Variants in MDM2 observed in about 807,000 individuals in gnomAD.
MDM2 encodes the protein E3 ubiquitin-protein ligase Mdm2.
Under a neutral mutation model 64.3 loss-of-function variants are expected in MDM2, and 11 were observed. The ratio of observed to expected loss-of-function variants is 0.17; its 90% CI spans 0.11 to 0.28. The LOEUF (loss-of-function observed/expected upper bound fraction) is 0.28, where lower values mean the gene tolerates loss of function less well. Among genes scored for constraint, MDM2 ranks in the 10% least tolerant of loss-of-function variants. MDM2 has a pLI of 1.00. For missense variants in MDM2, 388 were observed against 577.1 expected (o/e 0.67, Z 3.36); for synonymous variants, 194 against 192.9 (o/e 1.01, Z -0.05).
At chr12:68,817,193 C>T (rs936494962) in intron 4 of MDM2, among the ~76,000 whole-genome samples, 3 of 152,186 alleles carry the variant, frequency 2.0e-5, no homozygotes, top group Non-Finnish European at 2.9e-5. Context: ...TTTAAACCTG[C>T]TTCCCCATTT....
rs1038130361 is a variant in MDM2 at position 68,844,917 on chromosome 12, G to C, written c.*5068G>C. On this transcript the variant is annotated 3_prime_UTR_variant, in exon 11 of 11. Coordinates refer to ENST00000258149, the MANE Select transcript of MDM2 (RefSeq NM_002392.6). The stretch of plus-strand genomic sequence containing the variant: ...CAAGTAGCTGGGGTTAGAGCACCCT[G>C]TCACCACGCCCCGCTAATTTTTGTA... 1.5e-5 allele frequency: 3 copies of C among 199,850 alleles called. No individual in the cohort carries two copies. Among genetic ancestry groups the C allele is most frequent in the Admixed American group, 1.2e-4 (2 of 16,502 alleles). 12.4% of individuals were successfully genotyped at this position (199,850 alleles called of 1,614,324 possible).
intron 5 of MDM2, 121 bp downstream of exon 5, chr12:68,820,495 A>C: frequency 1.3e-6 from 1 of 743,244 alleles, no homozygotes; most frequent in Non-Finnish European, 2.3e-6. Context: ...TAAATATTGT[A>C]ATAAAAGTAT....
At chr12:68,835,099 TA>T (rs2136166880) in intron 8 of MDM2, among the ~76,000 whole-genome samples, 1 of 152,342 alleles carries the variant, frequency 6.6e-6, no homozygotes, top group African/African-American at 2.4e-5. Flanking sequence ...TGTGTCTTGT[TA>T]CGTGTATTCT....
intron 4 of MDM2, among the ~76,000 whole-genome samples, chr12:68,818,184 G>A (rs1021049587): frequency 1.3e-5 from 2 of 152,102 alleles, no homozygotes; most frequent in African/African-American, 4.8e-5. Flanking sequence ...GAATGAATAC[G>A]TTCACCTGAG....
chr12:68,845,842 C>T (rs115723387), downstream of MDM2: 2,710 of 152,516 alleles, frequency 0.018, 73 homozygotes, highest in African/African-American at 0.06. Flanking sequence ...TGACTCACTA[C>T]AGCCTCAACC....
intron 4 of MDM2, among the ~76,000 whole-genome samples, chr12:68,819,055 G>A (rs1881633154): frequency 6.6e-6 from 1 of 152,114 alleles, no homozygotes; most frequent in African/African-American, 2.4e-5. Flanking sequence ...TTCGGATAAT[G>A]TTTGGAAGTA....
chr12:68,835,464 ATGT>A (rs1377416138), intron 8 of MDM2, among the ~76,000 whole-genome samples: 1 of 152,228 alleles, frequency 6.6e-6, no homozygotes, highest in Non-Finnish European at 1.5e-5. Context: ...ACAGACGAAG[ATGT>A]TAATACAGTC....
At chr12:68,835,716 C>A in intron 8 of MDM2, 113 bp from the exon 9 acceptor site, 1 of 1,004,348 alleles carries the variant, frequency 1.0e-6, no homozygotes, top group Non-Finnish European at 1.4e-6. Flanking sequence ...CAGGCCCATC[C>A]CCCAACTGTT....
At position 68,840,055 on chromosome 12, in the gene MDM2, C is replaced by T; in HGVS notation, c.*206C>T. ...TGAATATGTAGCTCATCCTTTACAC[C>T]AACTCCTAATTTTAAATAATTTCTA... On this transcript the variant is annotated 3_prime_UTR_variant, in exon 11 of 11. Coordinates refer to ENST00000258149, the MANE Select transcript of MDM2 (RefSeq NM_002392.6). The T allele has an allele frequency of 2.0e-6, 1 of 491,726 alleles. No individual in the cohort carries two copies. The highest frequency in any genetic ancestry group is 3.5e-6 in the Non-Finnish European group (1 of 283,500). The allele number at this position is 491,726 out of a possible 1,614,324, so 30.5% of individuals were successfully genotyped here. A position where few individuals can be genotyped will look rare whatever the true frequency, so the allele number is the denominator to read the frequency against.
Position 68,842,716 on chromosome 12 carries a change from G to A in MDM2, c.*2867G>A, listed in dbSNP as rs1883891373. The A allele has an allele frequency of 5.1e-6, 1 of 195,508 alleles. No individual in the cohort carries two copies. The highest frequency in any genetic ancestry group is 1.1e-5 in the Non-Finnish European group (1 of 93,190). The allele number at this position is 195,508 out of a possible 1,614,324, so 12.1% of individuals were successfully genotyped here. The stretch of plus-strand genomic sequence containing the variant: ...ATATATATAAAGTAAAATTTTCTTT[G>A]CAGTAAAATATGCCCTTTATTATAG... On this transcript the variant is annotated 3_prime_UTR_variant, in exon 11 of 11. Transcript: ENST00000258149.
downstream of MDM2, chr12:68,846,217 T>A (rs1884286334): frequency 6.6e-6 from 1 of 152,126 alleles, no homozygotes; most frequent in African/African-American, 2.4e-5. Context: ...CCTCCCAAAG[T>A]ACTGGGATTA....
Position 68,840,083 on chromosome 12 carries a change from C to A in MDM2, c.*234C>A. 2.1e-6 allele frequency: 1 copy of A among 467,074 alleles called. No homozygotes were observed. Among genetic ancestry groups the A allele is most frequent in the Non-Finnish European group, 3.7e-6 (1 of 267,792 alleles). 28.9% of individuals were successfully genotyped at this position (467,074 alleles called of 1,614,324 possible). A position where few individuals can be genotyped will look rare whatever the true frequency, so the allele number is the denominator to read the frequency against. ...CTCCTAATTTTAAATAATTTCTACT[C>A]TGTCTTAAATGAGAAGTACTTGGTT... is the stretch of plus-strand genomic sequence containing the variant. On this transcript the variant is annotated 3_prime_UTR_variant, in exon 11 of 11. Transcript: ENST00000258149.
chr12:68,830,460 ATAT>A (rs1411279274), intron 8 of MDM2, among the ~76,000 whole-genome samples: 1 of 152,216 alleles, frequency 6.6e-6, no homozygotes, highest in African/African-American at 2.4e-5. Context: ...TCATTTGTAG[ATAT>A]TTAAGTTTAT....
chr12:68,824,315 C>A, intron 5 of MDM2, 48 bp from the exon 6 acceptor site: 1 of 1,411,650 alleles, frequency 7.1e-7, no homozygotes, highest in Non-Finnish European at 1.0e-6. Context: ...AGCGCCCCGC[C>A]GCCCCCCGCC....
Position 68,841,610 on chromosome 12 carries a change from T to G in MDM2, c.*1761T>G. 1 of 210,138 alleles carries G rather than the reference T, an allele frequency of 4.8e-6. No homozygotes were observed. The highest frequency in any genetic ancestry group is 9.7e-6 in the Non-Finnish European group (1 of 103,562). 13.0% of individuals were successfully genotyped at this position (210,138 alleles called of 1,614,324 possible). On this transcript the variant is annotated 3_prime_UTR_variant, in exon 11 of 11. Coordinates refer to ENST00000258149, the MANE Select transcript of MDM2 (RefSeq NM_002392.6). ...TGGAATCTGTTGTTTCCCCCTAAGT[T>G]GAAAAACAACTCTAAGACACTTTAA... is the stretch of plus-strand genomic sequence containing the variant.
In MDM2 at chr12:68,808,362, C is replaced by A; in HGVS notation, c.-116C>A. 7.1e-7 allele frequency: 1 copy of A among 1,403,936 alleles called. No individual in the cohort carries two copies. Among genetic ancestry groups the A allele is most frequent in the Non-Finnish European group, 1.0e-6 (1 of 998,196 alleles). The allele number at this position is 1,403,936 out of a possible 1,614,324, so 87.0% of individuals were successfully genotyped here. Reference sequence around the variant, plus strand: ...GATTAGTGCGTACGAGCGCCCAGTGCCCTGGCCCGGAGAGTGGAATGATCC... The same window carrying A: ...GATTAGTGCGTACGAGCGCCCAGTGACCTGGCCCGGAGAGTGGAATGATCC... On this transcript the variant is annotated 5_prime_UTR_variant, in exon 1 of 11. Coordinates refer to ENST00000258149, the MANE Select transcript of MDM2 (RefSeq NM_002392.6).
chr12:68,820,251 T>TTAG, intron 4 of MDM2, 74 bp from the exon 5 acceptor site: 1 of 1,132,114 alleles, frequency 8.8e-7, no homozygotes, highest in East Asian at 2.4e-5. Context: ...AGAAGTCTGG[T>TTAG]TAGATCCAGC....
chr12:68,836,548 G>T, intron 9 of MDM2, 124 bp from the exon 10 acceptor site: 3 of 739,884 alleles, frequency 4.1e-6, no homozygotes, highest in Non-Finnish European at 7.3e-6. Context: ...TACTCTATTT[G>T]ATATTGTCTA....
At chr12:68,818,028 C>G (rs981886348) in intron 4 of MDM2, among the ~76,000 whole-genome samples, 2 of 151,932 alleles carry the variant, frequency 1.3e-5, no homozygotes, top group African/African-American at 4.8e-5. Flanking sequence ...TCCTAACCTT[C>G]GGTAATCCAC....
Sources: gnomAD v4.1 joint callset for allele counts (sites outside exome capture counted in the v4.1 genomes callset) on GRCh38, gnomAD v4.1.1 for gene constraint, MANE v1.5 for transcripts, NCBI Gene and HGNC (gene_info 2026-07-23, HGNC 2026-07-21) for gene names.